The following PSAP variants were observed in gnomAD, a reference collection of about 807,000 sequenced individuals.
PSAP encodes precursor of saposins.
A neutral mutation model predicts 66.0 loss-of-function variants in PSAP; 25 were observed. That is an observed-to-expected ratio of 0.38 (90% CI 0.28 to 0.53). The LOEUF (loss-of-function observed/expected upper bound fraction) is 0.53, where lower values mean the gene tolerates loss of function less well. Ranked by LOEUF, PSAP falls within the 20% of genes least tolerant of loss-of-function variation. The pLI is 0.83. For synonymous variants in PSAP, 273 were observed against 258.9 expected, an observed-to-expected ratio of 1.05 and a Z score of -0.52; for missense variants, 649 against 668.8, an observed-to-expected ratio of 0.97 and a Z score of 0.33.
At chr10:71,817,621 C>CA (rs1842198282) in intron 13 of PSAP, 145 bp from the exon 14 acceptor site, 1 of 802,884 alleles carries the variant, frequency 1.2e-6, no homozygotes, top group African/African-American at 1.7e-5. Context: ...AGACCCAGGA[C>CA]AGGATCTCAC....
Position 71,831,925 on chromosome 10 carries a change from G to C in PSAP, c.175-5C>G, listed in dbSNP as rs771134177. Reference sequence around the variant, plus strand: ...TATGTCGCAGGGAAGGGATTTCTAAGAGAAAGAATACGAGAAATTTGTATT... The same window carrying C: ...TATGTCGCAGGGAAGGGATTTCTAACAGAAAGAATACGAGAAATTTGTATT... On this transcript the variant is annotated splice_polypyrimidine_tract_variant and splice_region_variant and intron_variant, in intron 2 of 13. Coordinates refer to ENST00000394936, the MANE Select transcript of PSAP (RefSeq NM_002778.4). The C allele has an allele frequency of 5.6e-6, 9 of 1,613,554 alleles. No individual in the cohort carries two copies. Among genetic ancestry groups the C allele is most frequent in the Admixed American group, 3.3e-5 (2 of 60,008 alleles).
intron 1 of PSAP, among the ~76,000 whole-genome samples, chr10:71,835,253 A>AAAAATT (rs1842598860): frequency 6.6e-6 from 1 of 151,540 alleles, no homozygotes; most frequent in African/African-American, 2.4e-5. Context: ...TAAATAAAAT[A>AAAAATT]AAAATTAAAA....
In PSAP at chr10:71,822,023, A is replaced by T. The variant is rs374899852; in HGVS notation, c.778-16T>A. 1 of 1,614,110 alleles carries T rather than the reference A, an allele frequency of 6.2e-7. No individual in the cohort carries two copies. Among genetic ancestry groups the T allele is most frequent in the East Asian group, 2.2e-5 (1 of 44,892 alleles). ...CCTTGGGTTGCTGAAGAGAGCACAG[A>T]ACAACCAGTCAGCAGCAAGCCTACG... is the stretch of plus-strand genomic sequence containing the variant. On this transcript the variant is annotated splice_polypyrimidine_tract_variant and intron_variant, in intron 7 of 13. Transcript: ENST00000394936.
chr10:71,820,591 C>T (rs1285653640), intron 8 of PSAP, among the ~76,000 whole-genome samples: 1 of 146,846 alleles, frequency 6.8e-6, no homozygotes, highest in Non-Finnish European at 1.5e-5. Flanking sequence ...ATTCACAGTT[C>T]AGGAGACAGA....
At chr10:71,847,149 T>A (rs1431247716) in intron 1 of PSAP, among the ~76,000 whole-genome samples, 2 of 152,112 alleles carry the variant, frequency 1.3e-5, no homozygotes, top group Non-Finnish European at 2.9e-5. Context: ...ACTCTCATAG[T>A]TTGTTCTCAA....
chr10:71,823,895 T>C (rs1423864416), intron 7 of PSAP: 1 of 1,297,114 alleles, frequency 7.7e-7, no homozygotes, highest in Non-Finnish European at 1.0e-6. Context: ...TACCTGATCC[T>C]GCTGTTGAAC....
In PSAP at chr10:71,818,617, A is replaced by G; in HGVS notation, c.1539T>C (p.Asn513=). ...TGACACTGTCTGCTGAGCTACTCAC[A>G]TTGCACTGGGCTGCTGTCTCTGTGT... ...CQNTETAAQC[N]AVEHCKRHVW... is the part of the protein sequence containing the mutation. The change falls in exon 13 of 14, where the codon AAT becomes AAC. Residue 513 remains asparagine, a splice_region_variant and synonymous_variant. Transcript: ENST00000394936. 6.2e-7 allele frequency: 1 copy of G among 1,613,288 alleles called. No homozygotes were observed. Among genetic ancestry groups the G allele is most frequent in the Non-Finnish European group, 8.5e-7 (1 of 1,179,814 alleles).
At chr10:71,830,554 A>T (rs1305490711) in intron 4 of PSAP, among the ~76,000 whole-genome samples, 3 of 152,236 alleles carry the variant, frequency 2.0e-5, no homozygotes, top group Admixed American at 6.5e-5. Context: ...TGCCTTCCTC[A>T]CCAGAACCTT....
chr10:71,837,108 A>T (rs1050846217), intron 1 of PSAP, among the ~76,000 whole-genome samples: 1 of 152,262 alleles, frequency 6.6e-6, no homozygotes. Context: ...AGCGTAAAAC[A>T]GATTTCCGTG....
At chr10:71,843,671 T>C (rs1328085224) in intron 1 of PSAP, among the ~76,000 whole-genome samples, 1 of 152,106 alleles carries the variant, frequency 6.6e-6, no homozygotes, top group African/African-American at 2.4e-5. Flanking sequence ...TCAATAGGGA[T>C]TAAAAAGACA....
In PSAP at chr10:71,817,443, A is replaced by C. The variant is rs763478009; in HGVS notation, c.1573T>G (p.Ter525GluextTer63). ...VEHCKRHVWN[*>E] is the part of the protein sequence containing the mutation. ...GCCAAGATGGAATATTCCTCCTCCT[A>C]GTTCCACACATGGCGTTTGCAATGC... The change falls in exon 14 of 14, where the codon TAG becomes GAG. Residue 525 changes from the stop codon to glutamate, a stop_lost. Transcript: ENST00000394936. 1.2e-6 allele frequency: 2 copies of C among 1,614,008 alleles called. No individual in the cohort carries two copies. Among genetic ancestry groups the C allele is most frequent in the Non-Finnish European group, 1.7e-6 (2 of 1,179,960 alleles).
intron 1 of PSAP, among the ~76,000 whole-genome samples, chr10:71,835,768 G>A (rs1446744788): frequency 7.1e-6 from 1 of 141,302 alleles, no homozygotes; most frequent in African/African-American, 2.7e-5. Context: ...AGGCATCTCA[G>A]TAGGGTTGAA....
intron 1 of PSAP, among the ~76,000 whole-genome samples, chr10:71,835,044 G>A (rs1307427450): frequency 1.3e-5 from 2 of 151,814 alleles, no homozygotes; most frequent in African/African-American, 4.8e-5. Context: ...AGACCATCCT[G>A]GCTAACACAG....
intron 6 of PSAP, among the ~76,000 whole-genome samples, chr10:71,827,766 C>T (rs1040306548): frequency 1.3e-5 from 2 of 151,690 alleles, no homozygotes; most frequent in African/African-American, 4.8e-5. Context: ...AGTATTTCTA[C>T]AGTGTTCCTA....
chr10:71,817,547 G>A lies in PSAP; in HGVS notation c.1540-71C>T, dbSNP rs1213434176. ...CCGTTCCCGGCCCATCAATGTATCAGATATCACCCCAAAACAGGACCTGTT... is the reference window on the plus strand; with the variant it reads ...CCGTTCCCGGCCCATCAATGTATCAAATATCACCCCAAAACAGGACCTGTT... On this transcript the variant is annotated intron_variant, in intron 13 of 13. Transcript: ENST00000394936. 3.4e-6 allele frequency: 5 copies of A among 1,452,014 alleles called. No homozygotes were observed. The Admixed American group carries it at 6.7e-5, about 19-fold the overall frequency. 89.9% of individuals were successfully genotyped at this position (1,452,014 alleles called of 1,614,324 possible).
At chr10:71,833,039 C>CAA (rs1273324060) in intron 2 of PSAP, among the ~76,000 whole-genome samples, 6 of 95,012 alleles carry the variant, frequency 6.3e-5, no homozygotes, top group Non-Finnish European at 1.1e-4. Context: ...AAACAAAAAA[C>CAA]AAAAACAGAA....
At chr10:71,827,693 C>T (rs1842422614) in intron 6 of PSAP, among the ~76,000 whole-genome samples, 1 of 147,912 alleles carries the variant, frequency 6.8e-6, no homozygotes, top group East Asian at 2.0e-4. Flanking sequence ...CGCCACTGCA[C>T]TCCAGCCTGG....
intron 1 of PSAP, among the ~76,000 whole-genome samples, chr10:71,845,449 A>T (rs997279242): frequency 2.6e-5 from 4 of 152,246 alleles, no homozygotes; most frequent in African/African-American, 9.6e-5. Flanking sequence ...AGCAACAAGC[A>T]AAACAGTCAG....
At chr10:71,831,751 C>A (rs1842522746) in intron 3 of PSAP, 95 bp downstream of exon 3, 2 of 1,282,370 alleles carry the variant, frequency 1.6e-6, no homozygotes, top group Non-Finnish European at 2.3e-6. Context: ...CTCAGGCCTA[C>A]ACCATTCCTC....
Sources: gnomAD v4.1 joint callset for allele counts (sites outside exome capture counted in the v4.1 genomes callset) on GRCh38, gnomAD v4.1.1 for gene constraint, MANE v1.5 for transcripts, NCBI Gene and HGNC (gene_info 2026-07-23, HGNC 2026-07-21) for gene names.